FAM117B: variants seen among roughly 807,000 people sequenced by gnomAD.
FAM117B encodes family with sequence similarity 117 member B, also known as protein FAM117B.
In FAM117B, 22 loss-of-function variants were observed where a neutral mutation model predicts 52.8. The ratio of observed to expected loss-of-function variants is 0.42; its 90% CI spans 0.30 to 0.59. FAM117B has a LOEUF of 0.59. Ranked by LOEUF, FAM117B falls within the 20% of genes least tolerant of loss-of-function variation. The pLI is 0.22. For missense variants in FAM117B, 678 were observed against 802.6 expected, an observed-to-expected ratio of 0.84 and a Z score of 1.88; for synonymous variants, 309 against 324.1, an observed-to-expected ratio of 0.95 and a Z score of 0.50.
chr2:202,712,521 C>T (rs1030074060), intron 2 of FAM117B, among the ~76,000 whole-genome samples: 3 of 142,960 alleles, frequency 2.1e-5, no homozygotes, highest in African/African-American at 7.9e-5. Flanking sequence ...TCTTCCATTA[C>T]AGTTTGGGTG....
intron 1 of FAM117B, among the ~76,000 whole-genome samples, chr2:202,679,133 G>C (rs1232976540): frequency 6.6e-6 from 1 of 152,188 alleles, no homozygotes; most frequent in Non-Finnish European, 1.5e-5. Flanking sequence ...GGTAAACAGT[G>C]AGAAAATTGG....
intron 2 of FAM117B, among the ~76,000 whole-genome samples, chr2:202,713,418 TTCTC>T (rs1179526308): frequency 6.6e-6 from 1 of 152,184 alleles, no homozygotes; most frequent in Admixed American, 6.5e-5. Context: ...ATCTCTCTTT[TTCTC>T]TTAGTCTGGC....
At chr2:202,709,693 T>C (rs1326105517) in intron 2 of FAM117B, among the ~76,000 whole-genome samples, 2 of 152,238 alleles carry the variant, frequency 1.3e-5, no homozygotes, top group African/African-American at 4.8e-5. Flanking sequence ...GTCTGTGCTT[T>C]TGATGTCATA....
chr2:202,679,627 G>A (rs74944939), intron 1 of FAM117B, among the ~76,000 whole-genome samples: 1,587 of 152,264 alleles, frequency 0.01, 27 homozygotes, highest in African/African-American at 0.036. Context: ...CAAAAGGGCC[G>A]TGCCTTAAAA....
chr2:202,710,052 C>T (rs904654520), intron 2 of FAM117B, among the ~76,000 whole-genome samples: 4 of 152,112 alleles, frequency 2.6e-5, no homozygotes, highest in African/African-American at 9.7e-5. Flanking sequence ...GTTTTGAAAT[C>T]GAGAAGTATG....
intron 4 of FAM117B, among the ~76,000 whole-genome samples, chr2:202,730,502 T>A (rs1281613142): frequency 1.3e-5 from 2 of 152,062 alleles, no homozygotes; most frequent in African/African-American, 4.8e-5. Flanking sequence ...AAACCCCCTC[T>A]CTACTAAAAA....
At chr2:202,742,200 G>A (rs896451829) in intron 4 of FAM117B, among the ~76,000 whole-genome samples, 2 of 152,106 alleles carry the variant, frequency 1.3e-5, no homozygotes, top group Admixed American at 6.5e-5. Flanking sequence ...AACTTGCTAC[G>A]TAAAGCTCAT....
intron 1 of FAM117B, among the ~76,000 whole-genome samples, chr2:202,691,584 G>C (rs1690624015): frequency 6.7e-6 from 1 of 149,142 alleles, no homozygotes; most frequent in African/African-American, 2.6e-5. Context: ...AATGGTCATA[G>C]TTAGGGAAGA....
chr2:202,677,459 CT>C (rs1284759224), intron 1 of FAM117B, among the ~76,000 whole-genome samples: 9 of 152,294 alleles, frequency 5.9e-5, no homozygotes, highest in African/African-American at 2.2e-4. Context: ...GAGTTTTCCT[CT>C]AATAGTATGG....
intron 1 of FAM117B, among the ~76,000 whole-genome samples, chr2:202,695,345 A>G (rs1008028816): frequency 6.6e-6 from 1 of 152,010 alleles, no homozygotes; most frequent in Admixed American, 6.6e-5. Context: ...TAAACAATTT[A>G]TATGTTATAA....
chr2:202,724,802 A>G, intron 2 of FAM117B, 115 bp from the exon 3 acceptor site: 1 of 636,894 alleles, frequency 1.6e-6, no homozygotes, highest in Non-Finnish European at 2.4e-6. Context: ...TGTGTTAATT[A>G]TTTTTAATGT....
intron 1 of FAM117B, among the ~76,000 whole-genome samples, chr2:202,684,059 G>T (rs1690502274): frequency 1.3e-5 from 2 of 152,164 alleles, no homozygotes; most frequent in Middle Eastern, 3.4e-3. Context: ...TAGAGACCAG[G>T]TTTTGCCATG....
intron 1 of FAM117B, among the ~76,000 whole-genome samples, chr2:202,657,494 G>GT (rs1013087029): frequency 8.6e-5 from 13 of 150,728 alleles, no homozygotes; most frequent in South Asian, 2.1e-4. Flanking sequence ...TAGGTGTGCT[G>GT]TTTTTTTTTG....
In FAM117B at chr2:202,686,163, T is replaced by C. The variant is rs74629328; in HGVS notation, c.602-9718T>C. ...ATGTGTAAGTGGCCAAAAAGCACTT[T>C]AACTCAACCTCATTTGGTACTGGGG... On this transcript the variant is annotated intron_variant, in intron 1 of 7. Coordinates refer to ENST00000392238, the MANE Select transcript of FAM117B (RefSeq NM_173511.4). Among the ~76,000 whole-genome samples, 1,300 of 152,298 alleles carry C rather than the reference T, an allele frequency of 8.5e-3. 25 individuals carry two copies. The highest frequency in any genetic ancestry group is 0.03 in the African/African-American group (1,228 of 41,556).
chr2:202,681,693 G>C (rs936224509), intron 1 of FAM117B, among the ~76,000 whole-genome samples: 1 of 152,208 alleles, frequency 6.6e-6, no homozygotes, highest in East Asian at 1.9e-4. Context: ...TCAGAATTTA[G>C]AACACTTAAT....
chr2:202,654,853 ATTTC>A (rs904143967), intron 1 of FAM117B, among the ~76,000 whole-genome samples: 2 of 152,062 alleles, frequency 1.3e-5, no homozygotes, highest in African/African-American at 4.8e-5. Context: ...GTGGGCATTT[ATTTC>A]TTTTTCTCTT....
chr2:202,638,909 C>T (rs1559091661), intron 1 of FAM117B, among the ~76,000 whole-genome samples: 1 of 152,228 alleles, frequency 6.6e-6, no homozygotes, highest in Non-Finnish European at 1.5e-5. Context: ...ATTGTTGTTT[C>T]ACTCTAGTAA....
chr2:202,758,904 T>C (rs1691841545), intron 6 of FAM117B, among the ~76,000 whole-genome samples: 1 of 152,134 alleles, frequency 6.6e-6, no homozygotes, highest in African/African-American at 2.4e-5. Context: ...CAGCAACCAA[T>C]GAAGAACCAT....
intron 4 of FAM117B, among the ~76,000 whole-genome samples, chr2:202,743,626 C>CAAAT (rs111772691): frequency 0.32 from 49,027 of 151,714 alleles, 8,372 homozygotes; most frequent in African/African-American, 0.37. Flanking sequence ...CAAAAGAACA[C>CAAAT]AAACAATACA....
Sources: gnomAD v4.1 joint callset for allele counts (sites outside exome capture counted in the v4.1 genomes callset) on GRCh38, gnomAD v4.1.1 for gene constraint, MANE v1.5 for transcripts, NCBI Gene and HGNC (gene_info 2026-07-23, HGNC 2026-07-21) for gene names.